The following PDE4A variants were observed in gnomAD, a reference collection of about 807,000 sequenced individuals.
The protein encoded by PDE4A is phosphodiesterase 4A, also known as 3',5'-cyclic-AMP phosphodiesterase 4A.
PDE4A carries 21 observed loss-of-function variants against 73.9 expected under a neutral mutation model. The observed-to-expected ratio is 0.28, with a 90% confidence interval of 0.20 to 0.41. PDE4A has a LOEUF of 0.41. Among genes scored for constraint, PDE4A ranks in the 10% least tolerant of loss-of-function variants. The pLI is 1.00. For missense variants in PDE4A, 958 were observed against 1,211.4 expected, an observed-to-expected ratio of 0.79 and a Z score of 3.10; for synonymous variants, 463 against 505.4, an observed-to-expected ratio of 0.92 and a Z score of 1.13.
At chr19:10,429,292 AAG>A (rs112947570) in intron 1 of PDE4A, among the ~76,000 whole-genome samples, 9 of 150,736 alleles carry the variant, frequency 6.0e-5, no homozygotes, top group South Asian at 2.1e-4. Flanking sequence ...GAAAGAAAGA[AAG>A]AAAGAAAGAG....
chr19:10,430,140 G>A (rs1388092412), intron 1 of PDE4A, among the ~76,000 whole-genome samples: 1 of 152,026 alleles, frequency 6.6e-6, no homozygotes, highest in African/African-American at 2.4e-5. Flanking sequence ...GAGGAACTGT[G>A]GTGGGGGTTC....
chr19:10,454,851 A>G lies in PDE4A; in HGVS notation c.806A>G (p.Glu269Gly). The G allele has an allele frequency of 6.2e-7, 1 of 1,614,122 alleles. No homozygotes were observed. The highest frequency in any genetic ancestry group is 8.5e-7 in the Non-Finnish European group (1 of 1,179,992). ...SHKFKRMLNR[E>G]LTHLSEMSRS... ...TAGTTCAAAAGGATGTTGAACCGTG[A>G]GCTCACACACCTGTCAGAAATGAGC... The change falls in exon 7 of 15, where the codon GAG (glutamate) becomes GGG (glycine). Residue 269 changes from glutamate to glycine, a missense_variant. This residue lies in a region of PDE4A where 570 missense variants were observed against 827.7 expected (regional missense o/e 0.69). Transcript: ENST00000380702.
chr19:10,440,504 A>G (rs1290756972), intron 1 of PDE4A, among the ~76,000 whole-genome samples: 1 of 151,854 alleles, frequency 6.6e-6, no homozygotes, highest in Non-Finnish European at 1.5e-5. Flanking sequence ...GCTCACTGCA[A>G]TCTCTGCCTC....
chr19:10,456,532 A>AAAT (rs1568380135), intron 7 of PDE4A, among the ~76,000 whole-genome samples: 53 of 149,064 alleles, frequency 3.6e-4, no homozygotes, highest in South Asian at 1.7e-3. Flanking sequence ...TCTCAAAAAA[A>AAAT]AAATAAATAA....
At chr19:10,461,470 C>T in intron 11 of PDE4A, 56 bp from the exon 12 acceptor site, 1 of 1,594,856 alleles carries the variant, frequency 6.3e-7, no homozygotes, top group Non-Finnish European at 8.5e-7. Flanking sequence ...AGCTGGCCCT[C>T]CTGCGGTTGG....
intron 1 of PDE4A, among the ~76,000 whole-genome samples, chr19:10,434,639 G>T (rs2042840505): frequency 6.6e-6 from 1 of 151,874 alleles, no homozygotes; most frequent in Non-Finnish European, 1.5e-5. Flanking sequence ...CACCCAGGCT[G>T]GAGTGCAGTG....
chr19:10,426,410 T>C (rs2042718770), intron 1 of PDE4A, among the ~76,000 whole-genome samples: 1 of 151,628 alleles, frequency 6.6e-6, no homozygotes, highest in Non-Finnish European at 1.5e-5. Context: ...AGATTCTTTT[T>C]TTTTTCCCTC....
chr19:10,452,214 C>T (rs953791818), intron 6 of PDE4A, among the ~76,000 whole-genome samples: 4 of 151,654 alleles, frequency 2.6e-5, no homozygotes, highest in Non-Finnish European at 5.9e-5. Context: ...CCAAGGCGGG[C>T]GGATCACCTG....
At chr19:10,417,503 C>A (rs1315893320), upstream of PDE4A, 1 of 981,630 alleles carries the variant, frequency 1.0e-6, no homozygotes, top group South Asian at 4.7e-5. Flanking sequence ...GGCAGGGCAC[C>A]CTCTGTGTGA....
chr19:10,442,706 T>G (rs116945180), intron 1 of PDE4A, among the ~76,000 whole-genome samples: 5,056 of 150,608 alleles, frequency 0.034, 131 homozygotes, highest in Non-Finnish European at 0.052. Context: ...TAATTACTTA[T>G]TACATATTAC....
intron 10 of PDE4A, 158 bp from the exon 11 acceptor site, chr19:10,460,846 T>C (rs1161170158): frequency 4.5e-6 from 1 of 221,644 alleles, no homozygotes; most frequent in East Asian, 1.8e-4. Context: ...GACAGGGCCT[T>C]GCTATGTTGC....
intron 1 of PDE4A, chr19:10,427,719 C>T (rs2042735609): frequency 4.3e-6 from 4 of 935,008 alleles, no homozygotes; most frequent in Non-Finnish European, 3.8e-6. Context: ...CCTCTCTGGG[C>T]CTTGGCTTCC....
At chr19:10,446,848 C>A (rs866791556) in intron 2 of PDE4A, among the ~76,000 whole-genome samples, 32 of 152,072 alleles carry the variant, frequency 2.1e-4, no homozygotes, top group African/African-American at 7.0e-4. Context: ...CCTGCCTTGG[C>A]CTCCCAGAGT....
intron 1 of PDE4A, among the ~76,000 whole-genome samples, chr19:10,443,420 C>T (rs1295732274): frequency 6.6e-6 from 1 of 151,952 alleles, no homozygotes; most frequent in African/African-American, 2.4e-5. Context: ...TGGCATGTGC[C>T]TGTAGACCCA....
chr19:10,428,622 A>G (rs1176904645), intron 1 of PDE4A: 2 of 221,340 alleles, frequency 9.0e-6, no homozygotes, highest in African/African-American at 2.3e-5. Flanking sequence ...CACTTTTCTG[A>G]GCTTTTTATG....
intron 1 of PDE4A, chr19:10,427,386 T>G: frequency 5.5e-6 from 3 of 546,206 alleles, no homozygotes; most frequent in Non-Finnish European, 7.0e-6. Flanking sequence ...AGAGGTCCTG[T>G]GGTGGGAGTG....
At position 10,453,069 on chromosome 19, in the gene PDE4A, C is replaced by T; in HGVS notation, c.784-1760C>T. On this transcript the variant is annotated intron_variant, in intron 6 of 14. Transcript: ENST00000380702. This position sits in a 1 kb window ranked among gnomAD's most constrained non-coding sequence, Gnocchi z 4.6. The stretch of plus-strand genomic sequence containing the variant: ...CCGTTGGGGCCCAGGGCTGGCGGGC[C>T]ATGTAACCAGGGCTGCTGCTGGGAG... 1 of 1,332,818 alleles carries T rather than the reference C, an allele frequency of 7.5e-7. No individual in the cohort carries two copies. The highest frequency in any genetic ancestry group is 9.6e-7 in the Non-Finnish European group (1 of 1,043,326). The allele number at this position is 1,332,818 out of a possible 1,614,324, so 82.6% of individuals were successfully genotyped here.
intron 1 of PDE4A, chr19:10,427,547 C>G: frequency 3.0e-6 from 3 of 985,422 alleles, no homozygotes; most frequent in Non-Finnish European, 3.6e-6. Context: ...CAGTTTACAT[C>G]TGGCTTCCTA....
chr19:10,445,084 T>G (rs1441832599), intron 1 of PDE4A, among the ~76,000 whole-genome samples: 2 of 152,108 alleles, frequency 1.3e-5, no homozygotes, highest in Non-Finnish European at 2.9e-5. Flanking sequence ...AGTGAGGACT[T>G]TGGATTTTGC....
Sources: gnomAD v4.1 joint callset for allele counts (sites outside exome capture counted in the v4.1 genomes callset) on GRCh38, gnomAD v4.1.1 for gene constraint, gnomAD v4.1.1 regional missense constraint, Gnocchi (gnomAD v3.1) non-coding constraint, MANE v1.5 for transcripts, NCBI Gene and HGNC (gene_info 2026-07-23, HGNC 2026-07-21) for gene names.